Variants in PTPRB observed in about 807,000 individuals in gnomAD.
The protein encoded by PTPRB is protein tyrosine phosphatase receptor type B, also known as receptor-type tyrosine-protein phosphatase beta.
Under a neutral mutation model 238.1 loss-of-function variants are expected in PTPRB, and 97 were observed. The ratio of observed to expected loss-of-function variants is 0.41; its 90% CI spans 0.35 to 0.48. The LOEUF is 0.48. PTPRB is among the 20% of genes least tolerant of loss of function. The pLI is 0.30. For missense variants in PTPRB, 2,292 were observed against 2,681.9 expected (o/e 0.85, Z 3.21); for synonymous variants, 970 against 995.4 (o/e 0.97, Z 0.48).
chr12:70,568,250 A>G (rs1473611928), intron 14 of PTPRB, among the ~76,000 whole-genome samples: 1 of 151,832 alleles, frequency 6.6e-6, no homozygotes, highest in Non-Finnish European at 1.5e-5. Flanking sequence ...TATCTCCTTC[A>G]CTAGATTATA....
chr12:70,602,409 T>A (rs1426611735), intron 4 of PTPRB, among the ~76,000 whole-genome samples: 1 of 152,218 alleles, frequency 6.6e-6, no homozygotes, highest in African/African-American at 2.4e-5. Flanking sequence ...AAATGCTGTA[T>A]AAATGCAATA....
intron 32 of PTPRB, among the ~76,000 whole-genome samples, chr12:70,525,814 A>G (rs978298178): frequency 1.3e-5 from 2 of 152,248 alleles, no homozygotes; most frequent in African/African-American, 4.8e-5. Context: ...AGCAGCCTCC[A>G]GCCAGGCCAG....
rs1874529840 is a variant in PTPRB, at chr12:70,538,502, C to T, written c.5870-271G>A. ...TTTGCCTGATGGAGTGGCCAGCTCC[C>T]TTTCACTGCTGGAATGAATACAATC... On this transcript the variant is annotated intron_variant, in intron 27 of 33. Coordinates refer to ENST00000334414, the MANE Select transcript of PTPRB (RefSeq NM_001109754.4). The T allele has an allele frequency of 1.1e-5, 5 of 467,306 alleles. No homozygotes were observed. The East Asian group carries it at 1.8e-4, about 16-fold the overall frequency. The allele number at this position is 467,306 out of a possible 1,614,324, so 28.9% of individuals were successfully genotyped here.
intron 31 of PTPRB, among the ~76,000 whole-genome samples, chr12:70,532,725 T>G (rs1420934218): frequency 6.6e-6 from 1 of 151,978 alleles, no homozygotes; most frequent in East Asian, 1.9e-4. Flanking sequence ...CACTGCAGCC[T>G]CGACCTCCCA....
intron 2 of PTPRB, among the ~76,000 whole-genome samples, chr12:70,628,080 T>A (rs963301738): frequency 1.3e-5 from 2 of 152,284 alleles, no homozygotes; most frequent in Admixed American, 1.3e-4. Context: ...GTTTAGTTCA[T>A]CAGCAAAATC....
intron 4 of PTPRB, among the ~76,000 whole-genome samples, chr12:70,603,326 T>A (rs992350678): frequency 2.6e-5 from 4 of 152,204 alleles, no homozygotes; most frequent in African/African-American, 7.2e-5. Context: ...TGACTCGCAA[T>A]TGCTTCACAC....
chr12:70,628,252 T>C (rs1030381288), intron 2 of PTPRB, among the ~76,000 whole-genome samples: 2 of 152,222 alleles, frequency 1.3e-5, no homozygotes, highest in African/African-American at 4.8e-5. Context: ...GAGTGGTAAA[T>C]AAATGAATAA....
intron 23 of PTPRB, chr12:70,540,415 C>CTATT (rs1874878340): frequency 5.0e-6 from 1 of 200,808 alleles, no homozygotes; most frequent in East Asian, 1.2e-4. Flanking sequence ...GGGCCACATG[C>CTATT]TATTTGGTTC....
chr12:70,621,853 G>A (rs1218008646), intron 3 of PTPRB, among the ~76,000 whole-genome samples: 1 of 152,238 alleles, frequency 6.6e-6, no homozygotes, highest in Admixed American at 6.5e-5. Flanking sequence ...AGACTCCTAT[G>A]ATGGTGCCAC....
chr12:70,572,757 G>A (rs1448564309), intron 11 of PTPRB, among the ~76,000 whole-genome samples: 6 of 139,724 alleles, frequency 4.3e-5, no homozygotes, highest in African/African-American at 1.6e-4. Flanking sequence ...CTGGGTGATG[G>A]AGCAAGACTC....
In PTPRB at chr12:70,535,175, C is replaced by G. The variant is rs1432190190; in HGVS notation, c.6082-220G>C. Among the ~76,000 whole-genome samples the G allele has an allele frequency of 1.3e-5, 2 of 151,620 alleles. 1 individual carries two copies. Among genetic ancestry groups the G allele is most frequent in the South Asian group, 4.2e-4 (2 of 4,790 alleles). On this transcript the variant is annotated intron_variant, in intron 29 of 33. Transcript: ENST00000334414. Reference sequence around the variant, plus strand: ...GCCTGTACAAGGAGCACCCCTGACTCCAACCTTTGGGTTCACTCATTTTTT... The same window carrying G: ...GCCTGTACAAGGAGCACCCCTGACTGCAACCTTTGGGTTCACTCATTTTTT...
Position 70,572,015 on chromosome 12 carries a change from T to C in PTPRB, c.2915A>G (p.His972Arg). 1.2e-6 allele frequency: 2 copies of C among 1,613,830 alleles called. No individual in the cohort carries two copies. The highest frequency in any genetic ancestry group is 8.5e-7 in the Non-Finnish European group (1 of 1,179,714). The change falls in exon 12 of 34, where the codon CAT becomes CGT. Residue 972 changes from histidine (H) to arginine (R), a missense_variant. Physicochemically the swap from His to Arg is conservative, Grantham distance 29 (BLOSUM62 0). Transcript: ENST00000334414. The part of the protein sequence containing the change: ...RSDYLRVSWV[H>R]ATGDFDHYEV... ...ATAGTGATCAAAGTCTCCAGTGGCA[T>C]GCACCCAGGATACCCTTAAATAGTC... is the stretch of plus-strand genomic sequence containing the variant.
Position 70,581,442 on chromosome 12 carries a change from T to C in PTPRB, c.2312-140A>G, listed in dbSNP as rs1371319493. 149 of 924,498 alleles carry C rather than the reference T, an allele frequency of 1.6e-4. 3 individuals carry two copies. The East Asian group carries it at 3.9e-3, about 24-fold the overall frequency. 57.3% of individuals were successfully genotyped at this position (924,498 alleles called of 1,614,324 possible). On this transcript the variant is annotated intron_variant, in intron 9 of 33. Transcript: ENST00000334414. ...TTGTTGCTATAGACTCTCAGTTCTA[T>C]TTCCTGTGGCATATGGAGAACTACT...
chr12:70,635,744 G>A lies in PTPRB; in HGVS notation c.378C>T (p.Tyr126=). 1.9e-6 allele frequency: 3 copies of A among 1,613,936 alleles called. No individual in the cohort carries two copies. The highest frequency in any genetic ancestry group is 2.5e-6 in the Non-Finnish European group (3 of 1,179,874). ...CATCTATTTTCATCCAGCTATGGAG[G>A]TATTTCCTGGCCTTCTTGACCACTA... The part of the protein sequence containing the change: ...SRVVVKKARK[Y]LHSWMKIDVN... The change falls in exon 2 of 34, where the codon TAC becomes TAT. Residue 126 remains tyrosine (Y), a synonymous_variant. Coordinates refer to ENST00000334414, the MANE Select transcript of PTPRB (RefSeq NM_001109754.4).
chr12:70,614,931 T>G (rs188279930), intron 3 of PTPRB, among the ~76,000 whole-genome samples: 52 of 152,292 alleles, frequency 3.4e-4, no homozygotes, highest in Admixed American at 3.0e-3. Flanking sequence ...AGAGAGACAG[T>G]CTGAGATACT....
At chr12:70,527,061 A>AT (rs1592387209) in intron 32 of PTPRB, among the ~76,000 whole-genome samples, 1 of 152,166 alleles carries the variant, frequency 6.6e-6, no homozygotes, top group Non-Finnish European at 1.5e-5. Flanking sequence ...ACAAAAGATA[A>AT]TTTTTTGTTA....
chr12:70,633,574 A>T (rs1261950655), intron 2 of PTPRB, among the ~76,000 whole-genome samples: 1 of 152,182 alleles, frequency 6.6e-6, no homozygotes, highest in East Asian at 1.9e-4. Flanking sequence ...ACTTATGTGT[A>T]CTCAAATATA....
intron 4 of PTPRB, among the ~76,000 whole-genome samples, chr12:70,606,654 AT>A (rs1883972100): frequency 6.6e-6 from 1 of 152,216 alleles, no homozygotes; most frequent in East Asian, 1.9e-4. Flanking sequence ...CATTGCTTTA[AT>A]AACAGTAAAA....
intron 32 of PTPRB, among the ~76,000 whole-genome samples, chr12:70,528,848 C>CTATT (rs1216027495): frequency 1.3e-5 from 2 of 152,058 alleles, no homozygotes; most frequent in Non-Finnish European, 2.9e-5. Flanking sequence ...GATGGCAATA[C>CTATT]TATTAAATGA....
Sources: allele counts gnomAD v4.1 joint callset (sites outside exome capture counted in the v4.1 genomes callset), GRCh38; gene constraint gnomAD v4.1.1; transcripts MANE v1.5; gene names NCBI Gene and HGNC (gene_info 2026-07-23, HGNC 2026-07-21).